EPB41L2: variants seen among roughly 807,000 people sequenced by gnomAD.
The protein encoded by EPB41L2 is band 4.1-like protein 2.
A neutral mutation model predicts 113.0 loss-of-function variants in EPB41L2; 43 were observed. That is an observed-to-expected ratio of 0.38 (90% CI 0.30 to 0.49). The LOEUF (loss-of-function observed/expected upper bound fraction) is 0.49. Ranked by LOEUF, EPB41L2 falls within the 20% of genes least tolerant of loss-of-function variation. The pLI, the probability that EPB41L2 is intolerant of heterozygous loss-of-function variation, is 0.95. For synonymous variants in EPB41L2, 442 were observed against 436.7 expected (o/e 1.01, Z -0.15); for missense variants, 1,147 against 1,223.4 (o/e 0.94, Z 0.93).
intron 1 of EPB41L2, among the ~76,000 whole-genome samples, chr6:131,042,513 T>C (rs1451088732): frequency 1.3e-5 from 2 of 152,096 alleles, no homozygotes; most frequent in Non-Finnish European, 2.9e-5. Context: ...CATAGAAAAA[T>C]TTCCACAATA....
chr6:131,030,971 A>G (rs1441594007), intron 1 of EPB41L2, among the ~76,000 whole-genome samples: 1 of 152,050 alleles, frequency 6.6e-6, no homozygotes, highest in Non-Finnish European at 1.5e-5. Flanking sequence ...ACGCACCAGT[A>G]GTCCCAGCTA....
intron 1 of EPB41L2, among the ~76,000 whole-genome samples, chr6:130,991,779 T>C (rs1264414558): frequency 6.6e-6 from 1 of 152,246 alleles, no homozygotes; most frequent in Admixed American, 6.5e-5. Flanking sequence ...GTGCTTAACA[T>C]GTTGTCTTTG....
chr6:130,896,855 T>C (rs996123302), intron 8 of EPB41L2, among the ~76,000 whole-genome samples: 1 of 152,150 alleles, frequency 6.6e-6, no homozygotes, highest in Admixed American at 6.5e-5. Context: ...GATGGCTGGC[T>C]TTCAAATGAG....
intron 1 of EPB41L2, among the ~76,000 whole-genome samples, chr6:130,985,821 T>C (rs1161589061): frequency 3.3e-5 from 5 of 152,226 alleles, no homozygotes; most frequent in Admixed American, 3.3e-4. Context: ...TCTTTTGTTT[T>C]GCTTTTTTGG....
At chr6:130,864,774 A>AC (rs1166834672) in intron 17 of EPB41L2, among the ~76,000 whole-genome samples, 1 of 133,324 alleles carries the variant, frequency 7.5e-6, no homozygotes, top group East Asian at 2.5e-4. Context: ...TTTACAAATT[A>AC]CTTTTGCTGT....
At chr6:130,852,981 T>C (rs1477302430) in intron 19 of EPB41L2, among the ~76,000 whole-genome samples, 1 of 152,154 alleles carries the variant, frequency 6.6e-6, no homozygotes, top group East Asian at 1.9e-4. Flanking sequence ...GATTCAGAGG[T>C]CTCTCCTTCT....
Position 130,899,517 on chromosome 6 carries a change from A to G in EPB41L2, c.1210T>C (p.Tyr404His). Residue 404 changes from tyrosine to histidine, a missense_variant, in exon 8 of 20, where the codon TAT (tyrosine) becomes CAT (histidine). Tyr to His is a moderately conservative substitution (Grantham distance 83). Coordinates refer to ENST00000337057, the MANE Select transcript of EPB41L2 (RefSeq NM_001431.4). Reference protein sequence around the residue: ...FLENAKRLSMYGVDLHHAKDS... With the variant: ...FLENAKRLSMHGVDLHHAKDS... ...TTGGCATGATGTAGGTCAACACCAT[A>G]CATGGAAAGCCTCTTTGCATTTTCT... The G allele has an allele frequency of 6.2e-7, 1 of 1,613,956 alleles. No individual in the cohort carries two copies. Among genetic ancestry groups the G allele is most frequent in the Non-Finnish European group, 8.5e-7 (1 of 1,179,820 alleles).
chr6:130,983,934 A>AT (rs1391825788), intron 1 of EPB41L2, among the ~76,000 whole-genome samples: 1 of 152,144 alleles, frequency 6.6e-6, no homozygotes, highest in African/African-American at 2.4e-5. Flanking sequence ...ATAAACTTGC[A>AT]TTTTTTAAAG....
chr6:130,866,209 A>C (rs1003352454), intron 16 of EPB41L2, among the ~76,000 whole-genome samples: 14 of 152,234 alleles, frequency 9.2e-5, no homozygotes, highest in Non-Finnish European at 1.9e-4. Flanking sequence ...GCACATACGC[A>C]TGTGCTCCTA....
chr6:130,969,118 T>G (rs911259453), intron 1 of EPB41L2, among the ~76,000 whole-genome samples: 1 of 152,170 alleles, frequency 6.6e-6, no homozygotes, highest in East Asian at 1.9e-4. Flanking sequence ...TGGGGGATGA[T>G]TGGCTGTCCA....
At chr6:130,862,794 A>G (rs1328794465) in intron 18 of EPB41L2, among the ~76,000 whole-genome samples, 5 of 152,174 alleles carry the variant, frequency 3.3e-5, no homozygotes, top group Non-Finnish European at 7.3e-5. Context: ...CAAATGAGGA[A>G]TTTTGTTCTC....
At chr6:131,053,434 T>TAAAAAAAAAAAAA (rs71030727) in intron 1 of EPB41L2, among the ~76,000 whole-genome samples, 1 of 88,906 alleles carries the variant, frequency 1.1e-5, no homozygotes. Context: ...ATGGAAATGA[T>TAAAAAAAAAAAAA]AAAAAAAAAA....
chr6:131,024,066 G>A (rs566190281), intron 1 of EPB41L2, among the ~76,000 whole-genome samples: 4 of 152,154 alleles, frequency 2.6e-5, no homozygotes, highest in African/African-American at 7.2e-5. Context: ...TAATTTTACA[G>A]AGCTCTAGGT....
chr6:130,946,569 G>C (rs1812887939), intron 3 of EPB41L2, among the ~76,000 whole-genome samples: 1 of 152,046 alleles, frequency 6.6e-6, no homozygotes, highest in Non-Finnish European at 1.5e-5. Context: ...AGGAGATAAA[G>C]AATAGGTTGA....
chr6:130,909,933 C>T (rs1798841314), intron 4 of EPB41L2, among the ~76,000 whole-genome samples: 2 of 152,120 alleles, frequency 1.3e-5, no homozygotes, highest in East Asian at 1.9e-4. Flanking sequence ...GAATCAATAT[C>T]GTGAAAATGA....
intron 19 of EPB41L2, among the ~76,000 whole-genome samples, chr6:130,855,846 G>A (rs1322390314): frequency 6.6e-6 from 1 of 150,684 alleles, no homozygotes; most frequent in Non-Finnish European, 1.5e-5. Context: ...GAAGAGCCAA[G>A]AATGAAGAAA....
chr6:130,929,534 A>T (rs1042440454), intron 3 of EPB41L2, among the ~76,000 whole-genome samples: 1 of 152,284 alleles, frequency 6.6e-6, no homozygotes, highest in Admixed American at 6.5e-5. Context: ...GCTAGCACTC[A>T]ATCTTTATTG....
chr6:131,049,711 A>G (rs1225798740), intron 1 of EPB41L2, among the ~76,000 whole-genome samples: 3 of 152,266 alleles, frequency 2.0e-5, no homozygotes, highest in Admixed American at 6.5e-5. Flanking sequence ...CAATAATCCC[A>G]TAGGACTTTT....
intron 1 of EPB41L2, among the ~76,000 whole-genome samples, chr6:131,046,071 G>A (rs930025742): frequency 5.0e-5 from 7 of 139,252 alleles, no homozygotes; most frequent in South Asian, 4.9e-4. Context: ...CTCAGTCTCC[G>A]AAGCTAATTT....
Sources: allele counts gnomAD v4.1 joint callset (sites outside exome capture counted in the v4.1 genomes callset), GRCh38; gene constraint gnomAD v4.1.1; transcripts MANE v1.5; gene names NCBI Gene and HGNC (gene_info 2026-07-23, HGNC 2026-07-21).